Variants in TTLL11 observed in about 807,000 individuals in gnomAD.
TTLL11 encodes tubulin tyrosine ligase like 11.
Under a neutral mutation model 51.7 loss-of-function variants are expected in TTLL11, and 42 were observed. That is an observed-to-expected ratio of 0.81 (90% CI 0.64 to 1.05). TTLL11 has a LOEUF of 1.05. Ranked by LOEUF, TTLL11 falls within the 50% of genes least tolerant of loss-of-function variation. The pLI, the probability that TTLL11 is intolerant of heterozygous loss-of-function variation, is 0.00. For missense variants in TTLL11, 799 were observed against 940.4 expected (o/e 0.85, Z 1.97); for synonymous variants, 381 against 383.5 (o/e 0.99, Z 0.08).
At chr9:121,883,436 T>C (rs1838875715) in intron 6 of TTLL11, among the ~76,000 whole-genome samples, 1 of 152,172 alleles carries the variant, frequency 6.6e-6, no homozygotes, top group African/African-American at 2.4e-5. Context: ...GCTAGGGATG[T>C]TGGGTCAACT....
intron 6 of TTLL11, among the ~76,000 whole-genome samples, chr9:121,895,639 A>G (rs1342449942): frequency 1.6e-5 from 2 of 122,022 alleles, no homozygotes; most frequent in East Asian, 5.6e-4. Flanking sequence ...ATGTGTGCTT[A>G]TGAGTGTGTG....
At chr9:121,963,932 A>G (rs926217645) in intron 6 of TTLL11, among the ~76,000 whole-genome samples, 1 of 152,218 alleles carries the variant, frequency 6.6e-6, no homozygotes, top group Non-Finnish European at 1.5e-5. Flanking sequence ...AACGCAATGT[A>G]TCTTGAAGTC....
chr9:122,041,132 C>T (rs984135582), intron 1 of TTLL11, among the ~76,000 whole-genome samples: 1 of 152,136 alleles, frequency 6.6e-6, no homozygotes, highest in Non-Finnish European at 1.5e-5. Flanking sequence ...TTTAGAGGCA[C>T]CTTTAGCTCA....
chr9:121,889,595 A>G (rs1839142492), intron 6 of TTLL11, among the ~76,000 whole-genome samples: 1 of 152,112 alleles, frequency 6.6e-6, no homozygotes, highest in Admixed American at 6.5e-5. Flanking sequence ...TGACTACTCT[A>G]GGTGCCTCAC....
intron 1 of TTLL11, among the ~76,000 whole-genome samples, chr9:122,049,639 G>T (rs912605326): frequency 9.2e-5 from 14 of 152,162 alleles, no homozygotes; most frequent in African/African-American, 2.7e-4. Context: ...AAACAAACTT[G>T]CAAAATAGTC....
intron 1 of TTLL11, among the ~76,000 whole-genome samples, chr9:122,069,989 T>TCACACA (rs144009501): frequency 1.9e-4 from 29 of 148,820 alleles, no homozygotes; most frequent in Middle Eastern, 3.4e-3. Context: ...GCATAGAGAA[T>TCACACA]CACACACACA....
chr9:121,822,960 A>G lies in TTLL11; in HGVS notation c.1841-81T>C. The G allele has an allele frequency of 7.0e-7, 1 of 1,432,230 alleles. No individual in the cohort carries two copies. The highest frequency in any genetic ancestry group is 9.3e-7 in the Non-Finnish European group (1 of 1,077,616). 88.7% of individuals were successfully genotyped at this position (1,432,230 alleles called of 1,614,324 possible). ...GGAAGGCCCACCTCCAGCCACAAGG[A>G]TGTCAGCAAGAGCTAGCCCCGCTCC... On this transcript the variant is annotated intron_variant, in intron 8 of 8. Coordinates refer to ENST00000321582, the MANE Select transcript of TTLL11 (RefSeq NM_001139442.2). This position sits in a 1 kb window ranked among gnomAD's most constrained non-coding sequence, Gnocchi z 5.8.
In TTLL11 at chr9:121,991,646, T is replaced by G. The variant is rs150391180; in HGVS notation, c.694-1876A>C. Among the ~76,000 whole-genome samples, 4 of 152,350 alleles carry G rather than the reference T, an allele frequency of 2.6e-5. No homozygotes were observed. In the East Asian group the frequency reaches 5.8e-4, roughly 22 times the overall value. ...TCAATATATTATCCAGAGCAATATT[T>G]TCTCCTTTGAATTCCATGTATATGC... is the stretch of plus-strand genomic sequence containing the variant. On this transcript the variant is annotated intron_variant, in intron 3 of 8. Coordinates refer to ENST00000321582, the MANE Select transcript of TTLL11 (RefSeq NM_001139442.2).
intron 6 of TTLL11, among the ~76,000 whole-genome samples, chr9:121,873,636 CCTCCTCTCT>C (rs1373542125): frequency 1.4e-5 from 2 of 147,608 alleles, no homozygotes; most frequent in Non-Finnish European, 3.0e-5. Context: ...TCCTCCTCCT[CCTCCTCTCT>C]TCTTCTTCTT....
intron 4 of TTLL11, among the ~76,000 whole-genome samples, chr9:121,985,866 G>A (rs567369112): frequency 6.6e-5 from 10 of 152,194 alleles, no homozygotes; most frequent in African/African-American, 2.4e-4. Flanking sequence ...TGAAATGTAT[G>A]GTAAGACAAA....
At position 122,082,433 on chromosome 9, in the gene TTLL11, C is replaced by T. The variant is rs182654128; in HGVS notation, c.462+10254G>A. Among the ~76,000 whole-genome samples, 8 of 140,296 alleles carry T rather than the reference C, an allele frequency of 5.7e-5. No individual in the cohort carries two copies. In the East Asian group the frequency reaches 8.4e-4, roughly 15 times the overall value. The allele number at this position is 140,296 out of a possible 152,430, so 92.0% of individuals were successfully genotyped here. A position where few individuals can be genotyped will look rare whatever the true frequency, so the allele number is the denominator to read the frequency against. ...ACGAGAATTGCTTGAACCTGGGAGGCGGAAGATGCAGTGAGCCAACATAGT... is the reference window on the plus strand; with the variant it reads ...ACGAGAATTGCTTGAACCTGGGAGGTGGAAGATGCAGTGAGCCAACATAGT... On this transcript the variant is annotated intron_variant, in intron 1 of 8. Transcript: ENST00000321582.
chr9:121,883,527 A>G (rs1838879214), intron 6 of TTLL11, among the ~76,000 whole-genome samples: 1 of 152,216 alleles, frequency 6.6e-6, no homozygotes, highest in Admixed American at 6.5e-5. Flanking sequence ...TGGTCCTATC[A>G]AGATTAGATT....
intron 8 of TTLL11, among the ~76,000 whole-genome samples, chr9:121,832,650 G>T (rs1017298896): frequency 3.0e-4 from 46 of 152,136 alleles, no homozygotes; most frequent in African/African-American, 1.0e-3. Flanking sequence ...GAGAGTTTTC[G>T]AAGATTTGGC....
At chr9:121,842,386 T>C (rs1453954613) in intron 8 of TTLL11, among the ~76,000 whole-genome samples, 1 of 152,094 alleles carries the variant, frequency 6.6e-6, no homozygotes, top group Non-Finnish European at 1.5e-5. Context: ...GCATTCTAAG[T>C]AACCAGGATT....
At chr9:121,940,539 T>C (rs1017561651) in intron 6 of TTLL11, among the ~76,000 whole-genome samples, 1 of 152,128 alleles carries the variant, frequency 6.6e-6, no homozygotes, top group African/African-American at 2.4e-5. Context: ...GGTTTCACTA[T>C]GTTGGGTTTC....
chr9:121,935,471 CA>C (rs1554771361), intron 6 of TTLL11, among the ~76,000 whole-genome samples: 1 of 152,180 alleles, frequency 6.6e-6, no homozygotes, highest in Non-Finnish European at 1.5e-5. Flanking sequence ...CTAGATCAGA[CA>C]AGGCCTTGTC....
chr9:121,838,494 G>A lies in TTLL11; in HGVS notation c.1841-15615C>T, dbSNP rs192592973. Among the ~76,000 whole-genome samples the A allele has an allele frequency of 1.4e-4, 22 of 152,240 alleles. No homozygotes were observed. The South Asian group carries it at 2.5e-3, about 17-fold the overall frequency. On this transcript the variant is annotated intron_variant, in intron 8 of 8. Coordinates refer to ENST00000321582, the MANE Select transcript of TTLL11 (RefSeq NM_001139442.2). The stretch of plus-strand genomic sequence containing the variant: ...AGCACTTTGGGAGGCCGAGGTGGGC[G>A]GATCACCTGAGGTCAGAAGCTCAAG...
rs188151665 is a variant in TTLL11 at position 122,061,405 on chromosome 9, T to A, written c.463-22037A>T. On this transcript the variant is annotated intron_variant, in intron 1 of 8. Transcript: ENST00000321582. The stretch of plus-strand genomic sequence containing the variant: ...GTGATGGAATTTCAGTGCTTTCCAG[T>A]TTTTCCATTACACAGAACACTGTAA... 7.2e-5 allele frequency among the ~76,000 whole-genome samples: 11 copies of A among 152,302 alleles called. No individual in the cohort carries two copies. In the East Asian group the frequency reaches 2.1e-3, roughly 29 times the overall value.
At chr9:121,826,461 ATGTGTG>A (rs200727765) in intron 8 of TTLL11, among the ~76,000 whole-genome samples, 1 of 46,466 alleles carries the variant, frequency 2.2e-5, no homozygotes, top group African/African-American at 7.1e-5. Context: ...CCATATATAT[ATGTGTG>A]TATATATATA....
Sources: allele counts gnomAD v4.1 joint callset (sites outside exome capture counted in the v4.1 genomes callset), GRCh38; gene constraint gnomAD v4.1.1; non-coding constraint Gnocchi (gnomAD v3.1); transcripts MANE v1.5; gene names NCBI Gene and HGNC (gene_info 2026-07-23, HGNC 2026-07-21).